SOCS7: variants seen among roughly 807,000 people sequenced by gnomAD.
SOCS7 encodes suppressor of cytokine signaling 7, also known as NAP-4.
Under a neutral mutation model 58.9 loss-of-function variants are expected in SOCS7, and 18 were observed. The ratio of observed to expected loss-of-function variants is 0.31; its 90% CI spans 0.21 to 0.45. The LOEUF is 0.45. SOCS7 is among the 20% of genes least tolerant of loss of function. The pLI, the probability that SOCS7 is intolerant of heterozygous loss-of-function variation, is 1.00. For synonymous variants in SOCS7, 388 were observed against 364.3 expected, an observed-to-expected ratio of 1.06 and a Z score of -0.74; for missense variants, 667 against 837.3, an observed-to-expected ratio of 0.80 and a Z score of 2.51.
In SOCS7 at chr17:38,399,101, A is replaced by AG. The variant is rs1241060168; in HGVS notation, c.*31-412_*31-411insG. Among the ~76,000 whole-genome samples the AG allele has an allele frequency of 4.1e-3, 627 of 151,914 alleles. 5 individuals are homozygous for AG. The highest frequency in any genetic ancestry group is 0.014 in the African/African-American group (592 of 41,360). On this transcript the variant is annotated intron_variant, in intron 9 of 9. Coordinates refer to ENST00000612932, the MANE Select transcript of SOCS7 (RefSeq NM_014598.4). ...AGACTCCGTCTCAAAAAAAAAAAAA[A>AG]AAAAGAAAGAAAGAAATATAGAGCT...
intron 6 of SOCS7, among the ~76,000 whole-genome samples, chr17:38,368,769 T>G (rs2037824461): frequency 6.6e-6 from 1 of 152,224 alleles, no homozygotes; most frequent in Middle Eastern, 3.2e-3. Flanking sequence ...CCCAAAGGGC[T>G]TGGATTACAG....
chr17:38,383,004 C>T (rs757810736), intron 7 of SOCS7, among the ~76,000 whole-genome samples: 19 of 152,072 alleles, frequency 1.2e-4, no homozygotes, highest in Middle Eastern at 3.4e-3. Flanking sequence ...AGCACTCACC[C>T]CCACCCCAAG....
At chr17:38,386,668 CATTT>C (rs1167455738) in intron 7 of SOCS7, among the ~76,000 whole-genome samples, 23 of 152,220 alleles carry the variant, frequency 1.5e-4, no homozygotes, top group Non-Finnish European at 1.5e-5. Context: ...CATTTCTCCT[CATTT>C]ATTATTTACC....
intron 1 of SOCS7, among the ~76,000 whole-genome samples, chr17:38,359,019 T>C (rs929774326): frequency 6.6e-6 from 1 of 152,210 alleles, no homozygotes; most frequent in African/African-American, 2.4e-5. Flanking sequence ...CATGGGCAGA[T>C]GGCAGAGTAA....
chr17:38,358,153 C>G (rs1274807173), intron 1 of SOCS7, among the ~76,000 whole-genome samples: 1 of 152,188 alleles, frequency 6.6e-6, no homozygotes, highest in Non-Finnish European at 1.5e-5. Context: ...TATTCTTTCC[C>G]ACCCTACTCC....
intron 4 of SOCS7, 187 bp downstream of exon 4, chr17:38,365,596 T>G (rs925536650): frequency 2.2e-6 from 1 of 445,568 alleles, no homozygotes; most frequent in Non-Finnish European, 3.9e-6. Flanking sequence ...ACCCGTTTTC[T>G]TTATGGAGGT....
intron 1 of SOCS7, among the ~76,000 whole-genome samples, chr17:38,358,257 G>C (rs587605903): frequency 1.3e-5 from 2 of 152,242 alleles, no homozygotes; most frequent in African/African-American, 4.8e-5. Flanking sequence ...GTGATCTGGG[G>C]AAGAATAAAT....
Position 38,352,273 on chromosome 17 carries a change from C to A in SOCS7, c.221C>A (p.Pro74Gln). 6.8e-7 allele frequency: 1 copy of A among 1,480,416 alleles called. No individual in the cohort carries two copies. The highest frequency in any genetic ancestry group is 2.4e-5 in the Admixed American group (1 of 41,742). 91.7% of individuals were successfully genotyped at this position (1,480,416 alleles called of 1,614,324 possible). A position where few individuals can be genotyped will look rare whatever the true frequency, so the allele number is the denominator to read the frequency against. ...LMVFRNVGRPPEEEDVEAAPE... is the reference protein window; with the variant it reads ...LMVFRNVGRPQEEEDVEAAPE... Reference sequence around the variant, plus strand: ...GTGTTCCGCAACGTGGGTCGGCCGCCGGAGGAGGAGGACGTGGAGGCGGCC... The same window carrying A: ...GTGTTCCGCAACGTGGGTCGGCCGCAGGAGGAGGAGGACGTGGAGGCGGCC... The change falls in exon 1 of 10, where the codon CCG (proline) becomes CAG (glutamine). Residue 74 changes from proline (P) to glutamine (Q), a missense_variant. Physicochemically the swap from Pro to Gln is moderately conservative, Grantham distance 76. Transcript: ENST00000612932. This position sits in a 1 kb window ranked among gnomAD's most constrained non-coding sequence, Gnocchi z 5.5.
intron 7 of SOCS7, among the ~76,000 whole-genome samples, chr17:38,387,109 A>ATATATATATATATATATGTGTG (rs2038081170): frequency 2.0e-5 from 2 of 99,408 alleles, no homozygotes; most frequent in African/African-American, 1.2e-4. Context: ...AAAAATATAT[A>ATATATATATATATATATGTGTG]TATATATATA....
At chr17:38,379,368 A>G (rs927939011) in intron 7 of SOCS7, among the ~76,000 whole-genome samples, 2 of 151,602 alleles carry the variant, frequency 1.3e-5, no homozygotes, top group Non-Finnish European at 2.9e-5. Flanking sequence ...AATCCCAGCT[A>G]CTCAGGAGGC....
chr17:38,368,371 C>A (rs8068600), intron 6 of SOCS7, among the ~76,000 whole-genome samples: 9 of 152,054 alleles, frequency 5.9e-5, no homozygotes, highest in African/African-American at 2.2e-4. Context: ...AAGAAAGAAC[C>A]TAGGACCATT....
chr17:38,359,319 T>A (rs1017934857), intron 1 of SOCS7, among the ~76,000 whole-genome samples: 3 of 152,260 alleles, frequency 2.0e-5, no homozygotes, highest in Admixed American at 2.0e-4. Context: ...CTCCTGTGGG[T>A]GCTGTGGGTG....
chr17:38,390,365 G>GTT (rs2038154415), intron 7 of SOCS7, among the ~76,000 whole-genome samples: 1 of 152,034 alleles, frequency 6.6e-6, no homozygotes, highest in South Asian at 2.1e-4. Flanking sequence ...CAACTTTGTT[G>GTT]TTTTTCAAGT....
At chr17:38,363,006 C>T (rs756268505) in intron 2 of SOCS7, among the ~76,000 whole-genome samples, 8 of 152,052 alleles carry the variant, frequency 5.3e-5, no homozygotes, top group East Asian at 1.9e-4. Context: ...TCCAGCTACT[C>T]GGGAGGCCGA....
Position 38,393,918 on chromosome 17 carries a change from C to A in SOCS7, c.1682-1391C>A, listed in dbSNP as rs188960569. Among the ~76,000 whole-genome samples the A allele has an allele frequency of 1.7e-3, 261 of 152,212 alleles. 1 individual carries two copies. The highest frequency in any genetic ancestry group is 6.0e-3 in the African/African-American group (251 of 41,540). ...CCGCCTCAAAAAACAAACAAACAAA[C>A]AAAAAAACTATTTGAACTTAAACCC... On this transcript the variant is annotated intron_variant, in intron 7 of 9. Transcript: ENST00000612932.
At chr17:38,364,600 G>T in intron 2 of SOCS7, 152 bp from the exon 3 acceptor site, 2 of 624,838 alleles carry the variant, frequency 3.2e-6, no homozygotes, top group Non-Finnish European at 5.8e-6. Flanking sequence ...TCCTGGTGTT[G>T]GGGTGATTTC....
intron 5 of SOCS7, 73 bp from the exon 6 acceptor site, chr17:38,367,809 A>C: frequency 7.2e-7 from 1 of 1,382,974 alleles, no homozygotes; most frequent in East Asian, 2.3e-5. Context: ...CTCCCATGTT[A>C]AGATAGATTG....
chr17:38,386,296 C>T (rs895239622), intron 7 of SOCS7, among the ~76,000 whole-genome samples: 5 of 137,402 alleles, frequency 3.6e-5, no homozygotes, highest in African/African-American at 1.5e-4. Context: ...TGCACTTCAG[C>T]CTGGGCAAAA....
chr17:38,393,759 G>T lies in SOCS7; in HGVS notation c.1682-1550G>T, dbSNP rs141202647. ...ACTGAAAATACAAAAAATTAGCCCG[G>T]CGTGGTGGTGGGTGCCTGTAATCCC... On this transcript the variant is annotated intron_variant, in intron 7 of 9. Coordinates refer to ENST00000612932, the MANE Select transcript of SOCS7 (RefSeq NM_014598.4). Among the ~76,000 whole-genome samples the T allele has an allele frequency of 5.2e-3, 784 of 151,954 alleles. 8 individuals are homozygous for T. Among genetic ancestry groups the T allele is most frequent in the African/African-American group, 0.018 (748 of 41,424 alleles).
Sources: gnomAD v4.1 joint callset for allele counts (sites outside exome capture counted in the v4.1 genomes callset) on GRCh38, gnomAD v4.1.1 for gene constraint, Gnocchi (gnomAD v3.1) non-coding constraint, MANE v1.5 for transcripts, NCBI Gene and HGNC (gene_info 2026-07-23, HGNC 2026-07-21) for gene names.